VAV3: variants seen among roughly 807,000 people sequenced by gnomAD.
VAV3 encodes the protein guanine nucleotide exchange factor VAV3.
Under a neutral mutation model 131.2 loss-of-function variants are expected in VAV3, and 94 were observed. The observed-to-expected ratio is 0.72, with a 90% CI of 0.61 to 0.85. The LOEUF (loss-of-function observed/expected upper bound fraction) is 0.85, where lower values mean the gene tolerates loss of function less well. Among genes scored for constraint, VAV3 ranks in the 40% least tolerant of loss-of-function variants. The pLI is 0.00. For missense variants in VAV3, 939 were observed against 1,002.7 expected, an observed-to-expected ratio of 0.94 and a Z score of 0.86; for synonymous variants, 349 against 342.0, an observed-to-expected ratio of 1.02 and a Z score of -0.22.
chr1:107,945,111 G>T (rs1172397745), intron 1 of VAV3, among the ~76,000 whole-genome samples: 2 of 152,148 alleles, frequency 1.3e-5, no homozygotes, highest in African/African-American at 2.4e-5. Flanking sequence ...CACCTGGATG[G>T]TTTAGGTAAT....
intron 15 of VAV3, among the ~76,000 whole-genome samples, chr1:107,737,377 C>T (rs1395752744): frequency 1.3e-5 from 2 of 152,156 alleles, no homozygotes; most frequent in Non-Finnish European, 1.5e-5. Flanking sequence ...AACTAAAGAG[C>T]TTCTGCACAG....
chr1:107,854,205 G>T (rs1280658090), intron 2 of VAV3, among the ~76,000 whole-genome samples: 1 of 152,188 alleles, frequency 6.6e-6, no homozygotes, highest in Non-Finnish European at 1.5e-5. Context: ...AGTTACTCTG[G>T]AGGATGGGAC....
Position 107,671,846 on chromosome 1 carries a change from A to G in VAV3, c.1777+11642T>C, listed in dbSNP as rs144557102. ...ATATTTGTTTAAAACGTAATTTCCT[A>G]TATATACAGAACATGTATTGTGACA... On this transcript the variant is annotated intron_variant, in intron 19 of 26. Transcript: ENST00000370056. 5.9e-5 allele frequency among the ~76,000 whole-genome samples: 9 copies of G among 152,358 alleles called. No individual in the cohort carries two copies. In the East Asian group the frequency reaches 1.5e-3, roughly 26 times the overall value.
intron 6 of VAV3, among the ~76,000 whole-genome samples, chr1:107,768,723 A>G (rs1222536729): frequency 6.6e-6 from 1 of 152,240 alleles, no homozygotes; most frequent in Non-Finnish European, 1.5e-5. Flanking sequence ...TAATACATTT[A>G]AAGTATAAAA....
chr1:107,617,869 T>C (rs1420711766), intron 20 of VAV3, among the ~76,000 whole-genome samples: 1 of 152,210 alleles, frequency 6.6e-6, no homozygotes, highest in Non-Finnish European at 1.5e-5. Context: ...TTCAAGTTTA[T>C]TTTTCAATCT....
At chr1:107,814,612 T>G (rs1202448628) in intron 2 of VAV3, among the ~76,000 whole-genome samples, 1 of 152,218 alleles carries the variant, frequency 6.6e-6, no homozygotes, top group African/African-American at 2.4e-5. Context: ...TCTTTGCTGT[T>G]TGGAAGCTTT....
At chr1:107,711,577 C>T (rs1055683428) in intron 15 of VAV3, among the ~76,000 whole-genome samples, 9 of 152,114 alleles carry the variant, frequency 5.9e-5, no homozygotes, top group East Asian at 1.9e-4. Context: ...ATAGCAAATT[C>T]GAGCTTGCTA....
At chr1:107,744,316 A>G (rs1236598031) in intron 15 of VAV3, among the ~76,000 whole-genome samples, 1 of 152,204 alleles carries the variant, frequency 6.6e-6, no homozygotes, top group Non-Finnish European at 1.5e-5. Flanking sequence ...TGTGCCAGGC[A>G]CTTATTACAC....
At chr1:107,952,050 G>C (rs1271677569) in intron 1 of VAV3, among the ~76,000 whole-genome samples, 2 of 152,116 alleles carry the variant, frequency 1.3e-5, no homozygotes, top group Non-Finnish European at 1.5e-5. Flanking sequence ...ATTCACAATA[G>C]CAAAGGCATG....
At chr1:107,924,586 C>T (rs1673063593) in intron 1 of VAV3, among the ~76,000 whole-genome samples, 1 of 152,142 alleles carries the variant, frequency 6.6e-6, no homozygotes, top group Non-Finnish European at 1.5e-5. Context: ...AATTTCTGAT[C>T]ATGCAAATAC....
intron 15 of VAV3, among the ~76,000 whole-genome samples, chr1:107,742,409 C>T (rs1663077701): frequency 6.6e-6 from 1 of 152,140 alleles, no homozygotes; most frequent in Admixed American, 6.5e-5. Context: ...TAATGGCAAC[C>T]CCATATTCCA....
chr1:107,603,010 G>T, intron 23 of VAV3, 37 bp downstream of exon 23: 2 of 1,545,410 alleles, frequency 1.3e-6, no homozygotes, highest in South Asian at 2.3e-5. Flanking sequence ...TATGAAAACA[G>T]GAAATCTATT....
chr1:107,688,937 TA>T (rs888208877), intron 17 of VAV3, among the ~76,000 whole-genome samples: 3 of 151,464 alleles, frequency 2.0e-5, no homozygotes, highest in African/African-American at 2.4e-5. Context: ...AGATGGAACT[TA>T]AAAAAAAACT....
intron 21 of VAV3, among the ~76,000 whole-genome samples, chr1:107,614,885 A>G (rs1020001342): frequency 1.3e-5 from 2 of 152,162 alleles, no homozygotes; most frequent in South Asian, 4.1e-4. Context: ...AATGCTTAAT[A>G]TTCTTGATTT....
At chr1:107,778,492 T>A (rs976346183) in intron 3 of VAV3, among the ~76,000 whole-genome samples, 1 of 152,188 alleles carries the variant, frequency 6.6e-6, no homozygotes, top group Non-Finnish European at 1.5e-5. Context: ...TAAACATTTA[T>A]CCAGCCGACA....
At chr1:107,723,511 G>C (rs1029922179) in intron 15 of VAV3, among the ~76,000 whole-genome samples, 2 of 102,790 alleles carry the variant, frequency 1.9e-5, no homozygotes, top group Non-Finnish European at 4.2e-5. Flanking sequence ...TTCTCCATCT[G>C]GGCCTGGCTG....
intron 17 of VAV3, among the ~76,000 whole-genome samples, chr1:107,704,092 T>G (rs544068398): frequency 6.6e-6 from 1 of 152,314 alleles, no homozygotes; most frequent in Non-Finnish European, 1.5e-5. Flanking sequence ...ATTCATTAAT[T>G]CATGAATTAG....
At chr1:107,957,517 G>A (rs889289636) in intron 1 of VAV3, among the ~76,000 whole-genome samples, 1 of 152,100 alleles carries the variant, frequency 6.6e-6, no homozygotes, top group African/African-American at 2.4e-5. Context: ...GATCCAGCAA[G>A]GTAGGTAACA....
At chr1:107,661,117 T>A (rs1656979747) in intron 19 of VAV3, among the ~76,000 whole-genome samples, 2 of 152,202 alleles carry the variant, frequency 1.3e-5, no homozygotes, top group African/African-American at 4.8e-5. Flanking sequence ...AGAACTTTTT[T>A]CCTTATATGG....
Sources: allele counts gnomAD v4.1 joint callset (sites outside exome capture counted in the v4.1 genomes callset), GRCh38; gene constraint gnomAD v4.1.1; transcripts MANE v1.5; gene names NCBI Gene and HGNC (gene_info 2026-07-23, HGNC 2026-07-21).